The following KDM4B variants were observed in gnomAD, a reference collection of about 807,000 sequenced individuals.
KDM4B encodes the protein lysine-specific demethylase 4B.
KDM4B carries 32 observed loss-of-function variants against 125.2 expected under a neutral mutation model. The observed-to-expected ratio is 0.26, with a 90% CI of 0.19 to 0.34. The LOEUF (loss-of-function observed/expected upper bound fraction) is 0.34. Among genes scored for constraint, KDM4B ranks in the 10% least tolerant of loss-of-function variants. The pLI is 1.00. For synonymous variants in KDM4B, 721 were observed against 677.9 expected (o/e 1.06, Z -0.99); for missense variants, 1,190 against 1,577.7 (o/e 0.75, Z 4.16).
At chr19:5,119,473 C>G (rs931345269) in intron 10 of KDM4B, among the ~76,000 whole-genome samples, 180 bp from the exon 11 acceptor site, 2 of 152,212 alleles carry the variant, frequency 1.3e-5, no homozygotes, top group Non-Finnish European at 2.9e-5. Flanking sequence ...GCTCCTGCCC[C>G]GCAAGAGCAG....
At chr19:5,106,329 C>T (rs1255888786) in intron 9 of KDM4B, among the ~76,000 whole-genome samples, 1 of 152,186 alleles carries the variant, frequency 6.6e-6, no homozygotes, top group Non-Finnish European at 1.5e-5. Flanking sequence ...GAATTCCTTC[C>T]TTCCTTAGGC....
chr19:4,980,938 T>C (rs1302235875), intron 1 of KDM4B, among the ~76,000 whole-genome samples: 1 of 143,442 alleles, frequency 7.0e-6, no homozygotes, highest in Non-Finnish European at 1.5e-5. Context: ...TAGAAACCAT[T>C]TGTGGGGCTG....
intron 6 of KDM4B, among the ~76,000 whole-genome samples, chr19:5,069,781 A>G (rs113840751): frequency 0.069 from 10,400 of 151,102 alleles, 393 homozygotes; most frequent in Admixed American, 0.095. Context: ...GGTATTTTGT[A>G]TTTTTGGTAG....
At chr19:5,132,069 A>AC in intron 13 of KDM4B, 62 bp downstream of exon 13, 1 of 1,495,158 alleles carries the variant, frequency 6.7e-7, no homozygotes, top group South Asian at 1.3e-5. Flanking sequence ...CTGCTGCTGG[A>AC]GGGGGGGCCT....
In KDM4B at chr19:5,068,830, C is replaced by T. The variant is rs545013731; in HGVS notation, c.627-2180C>T. Reference sequence around the variant, plus strand: ...TTCTGATAACGCCAGAGCCACGTTCCAGTGTATTAAACTTTTAACATTCGC... The same window carrying T: ...TTCTGATAACGCCAGAGCCACGTTCTAGTGTATTAAACTTTTAACATTCGC... On this transcript the variant is annotated intron_variant, in intron 6 of 22. Coordinates refer to ENST00000159111, the MANE Select transcript of KDM4B (RefSeq NM_015015.3). Among the ~76,000 whole-genome samples the T allele has an allele frequency of 2.0e-5, 3 of 152,368 alleles. No homozygotes were observed. The East Asian group carries it at 5.8e-4, about 29-fold the overall frequency.
Position 5,110,645 on chromosome 19 carries a change from C to A in KDM4B, c.942C>A (p.Val314=). Residue 314 remains valine, a synonymous_variant, in exon 10 of 23, where the codon GTC becomes GTA. Transcript: ENST00000159111. ...ATQCTCRKDM[V]KISMDVFVRI... Reference sequence around the variant, plus strand: ...AGTGCACGTGCCGGAAGGACATGGTCAAGATCTCCATGGACGTGTTCGTGC... The same window carrying A: ...AGTGCACGTGCCGGAAGGACATGGTAAAGATCTCCATGGACGTGTTCGTGC... 1 of 1,612,990 alleles carries A rather than the reference C, an allele frequency of 6.2e-7. No individual in the cohort carries two copies. The highest frequency in any genetic ancestry group is 1.1e-5 in the South Asian group (1 of 91,048).
At chr19:5,055,918 A>G (rs2037380934) in intron 6 of KDM4B, among the ~76,000 whole-genome samples, 1 of 152,160 alleles carries the variant, frequency 6.6e-6, no homozygotes, top group Non-Finnish European at 1.5e-5. Flanking sequence ...ACTTGTGATC[A>G]TTGATGGGCC....
intron 6 of KDM4B, among the ~76,000 whole-genome samples, 166 bp downstream of exon 6, chr19:5,047,835 C>G (rs1004495048): frequency 7.2e-5 from 11 of 152,192 alleles, no homozygotes; most frequent in Non-Finnish European, 1.5e-4. Flanking sequence ...GGTCACCCAC[C>G]AGCTTTGGGG....
intron 6 of KDM4B, among the ~76,000 whole-genome samples, chr19:5,059,769 A>C (rs1322380587): frequency 3.1e-5 from 4 of 127,230 alleles, no homozygotes; most frequent in Non-Finnish European, 6.6e-5. Context: ...GGTGCCGGTG[A>C]TGAAATAAAT....
chr19:5,104,432 G>C (rs2038997066), intron 9 of KDM4B, among the ~76,000 whole-genome samples: 1 of 151,662 alleles, frequency 6.6e-6, no homozygotes, highest in South Asian at 2.1e-4. Flanking sequence ...AAACCGTTTT[G>C]CTCTGGGTTT....
chr19:5,113,846 C>T (rs1458909272), intron 10 of KDM4B: 6 of 974,090 alleles, frequency 6.2e-6, no homozygotes, highest in Non-Finnish European at 6.1e-6. Flanking sequence ...GCCTTCCCTG[C>T]CCTCGGCGTG....
At position 5,114,228 on chromosome 19, in the gene KDM4B, G is replaced by A. The variant is rs770141433; in HGVS notation, c.1115+3410G>A. ...TGTGCACGTGCTCCAGCAGGTACGC[G>A]CTCCCTGCAGGACATCTGTGCACCC... On this transcript the variant is annotated intron_variant, in intron 10 of 22. Coordinates refer to ENST00000159111, the MANE Select transcript of KDM4B (RefSeq NM_015015.3). This position sits in a 1 kb window ranked among gnomAD's most constrained non-coding sequence, Gnocchi z 5.8. The A allele has an allele frequency of 2.6e-5, 33 of 1,288,942 alleles. No individual in the cohort carries two copies. Among genetic ancestry groups the A allele is most frequent in the Non-Finnish European group, 3.0e-5 (30 of 988,340 alleles). 79.8% of individuals were successfully genotyped at this position (1,288,942 alleles called of 1,614,324 possible).
At chr19:5,087,037 C>G (rs2038526011) in intron 9 of KDM4B, among the ~76,000 whole-genome samples, 1 of 152,258 alleles carries the variant, frequency 6.6e-6, no homozygotes, top group Admixed American at 6.5e-5. Context: ...CAGGAGGCAG[C>G]CTGGGGCTCT....
chr19:5,100,062 C>A (rs1275793339), intron 9 of KDM4B, among the ~76,000 whole-genome samples: 1 of 152,240 alleles, frequency 6.6e-6, no homozygotes, highest in Non-Finnish European at 1.5e-5. Flanking sequence ...GTGCTGCTGG[C>A]ACAAAGATGC....
rs560749446 is a variant in KDM4B at position 5,064,405 on chromosome 19, C to T, written c.627-6605C>T. 4.0e-5 allele frequency among the ~76,000 whole-genome samples: 6 copies of T among 151,184 alleles called. No individual in the cohort carries two copies. The South Asian group carries it at 6.3e-4, about 16-fold the overall frequency. On this transcript the variant is annotated intron_variant, in intron 6 of 22. Coordinates refer to ENST00000159111, the MANE Select transcript of KDM4B (RefSeq NM_015015.3). ...CCCTCCAGCACGCATTGGGCTGTGC[C>T]GACATCTCTGAAGGGCTCTTGGTCG...
intron 9 of KDM4B, among the ~76,000 whole-genome samples, chr19:5,093,414 G>T (rs1469320238): frequency 6.6e-6 from 1 of 152,162 alleles, no homozygotes; most frequent in Non-Finnish European, 1.5e-5. Flanking sequence ...TTTCTGTGCT[G>T]CCAGGAATGG....
intron 9 of KDM4B, among the ~76,000 whole-genome samples, chr19:5,096,558 T>A (rs1422845680): frequency 6.6e-6 from 1 of 152,202 alleles, no homozygotes. Context: ...CCGTGCGATG[T>A]GGCATTTCTA....
At position 4,996,954 on chromosome 19, in the gene KDM4B, C is replaced by T. The variant is rs79393479; in HGVS notation, c.-108-19303C>T. On this transcript the variant is annotated intron_variant, in intron 1 of 22. Coordinates refer to ENST00000159111, the MANE Select transcript of KDM4B (RefSeq NM_015015.3). Reference sequence around the variant, plus strand: ...CTGCATGCCAGGAGCACCCCCTAGTCGTGACAACCACAGACAGCCCCAGAC... The same window carrying T: ...CTGCATGCCAGGAGCACCCCCTAGTTGTGACAACCACAGACAGCCCCAGAC... 7.0e-3 allele frequency among the ~76,000 whole-genome samples: 1,066 copies of T among 152,042 alleles called. 10 individuals are homozygous for T. Among genetic ancestry groups the T allele is most frequent in the African/African-American group, 0.025 (1,024 of 41,490 alleles).
intron 1 of KDM4B, among the ~76,000 whole-genome samples, chr19:5,003,575 G>A (rs767454780): frequency 4.6e-5 from 7 of 152,088 alleles, no homozygotes; most frequent in Non-Finnish European, 1.0e-4. Flanking sequence ...TTGGGAGGGT[G>A]AGGTGGGTGG....
Sources: allele counts gnomAD v4.1 joint callset (sites outside exome capture counted in the v4.1 genomes callset), GRCh38; gene constraint gnomAD v4.1.1; non-coding constraint Gnocchi (gnomAD v3.1); transcripts MANE v1.5; gene names NCBI Gene and HGNC (gene_info 2026-07-23, HGNC 2026-07-21).